Variants in POLR3A observed in about 807,000 individuals in gnomAD.
POLR3A encodes DNA-directed RNA polymerase III subunit RPC1.
Under a neutral mutation model 152.8 loss-of-function variants are expected in POLR3A, and 112 were observed. That is an observed-to-expected ratio of 0.73 (90% CI 0.63 to 0.86). POLR3A has a LOEUF of 0.86. Among genes scored for constraint, POLR3A ranks in the 40% least tolerant of loss-of-function variants. POLR3A has a pLI of 0.00. For missense variants in POLR3A, 1,385 were observed against 1,743.1 expected (o/e 0.79, Z 3.66); for synonymous variants, 615 against 652.1 (o/e 0.94, Z 0.87).
chr10:77,981,583 G>C, intron 28 of POLR3A, 24 bp from the exon 29 acceptor site: 1 of 1,613,812 alleles, frequency 6.2e-7, no homozygotes, highest in East Asian at 2.2e-5. Context: ...GTAATGAGCA[G>C]AAGCAGCCCC....
chr10:77,979,970 C>T (rs553104863), intron 30 of POLR3A, among the ~76,000 whole-genome samples, 171 bp downstream of exon 30: 10 of 152,320 alleles, frequency 6.6e-5, no homozygotes, highest in Admixed American at 5.9e-4. Flanking sequence ...ATGCTACAGT[C>T]AGGATTTGGA....
chr10:78,024,085 C>T (rs550677454), intron 5 of POLR3A, among the ~76,000 whole-genome samples: 22 of 152,108 alleles, frequency 1.4e-4, no homozygotes, highest in African/African-American at 5.1e-4. Flanking sequence ...GAGAGCTGGC[C>T]GGGTGTGGTG....
rs1391326132 is a variant in POLR3A, at chr10:78,026,170, T to G, written c.104A>C (p.Gln35Pro). ...GCTGTACAGGTTCTTACTCACAACT[T>G]GGATGTGCGCCTGCTGGCGCATCTC... ...PEEMRQQAHI[Q>P]VVSKNLYSQD... The change falls in exon 2 of 31, where the codon CAA (glutamine) becomes CCA (proline). Residue 35 changes from glutamine (Q) to proline (P), a missense_variant. Coordinates refer to ENST00000372371, the MANE Select transcript of POLR3A (RefSeq NM_007055.4). 2.5e-6 allele frequency: 4 copies of G among 1,614,072 alleles called. No individual in the cohort carries two copies. In the African/African-American group the frequency reaches 5.3e-5, roughly 22 times the overall value.
chr10:77,998,185 A>G (rs557589086), intron 19 of POLR3A, among the ~76,000 whole-genome samples: 1 of 152,350 alleles, frequency 6.6e-6, no homozygotes, highest in South Asian at 2.1e-4. Context: ...TGTTAGACCT[A>G]AAACCATAAA....
intron 21 of POLR3A, among the ~76,000 whole-genome samples, chr10:77,990,286 C>T (rs1161924629): frequency 6.6e-6 from 1 of 151,746 alleles, no homozygotes; most frequent in African/African-American, 2.4e-5. Flanking sequence ...ATAGAAAAGG[C>T]TGATTCAATG....
intron 8 of POLR3A, among the ~76,000 whole-genome samples, chr10:78,021,128 C>A (rs1448877883): frequency 6.6e-6 from 1 of 152,084 alleles, no homozygotes; most frequent in Non-Finnish European, 1.5e-5. Context: ...CCACTCCTGG[C>A]TAATTTTTTG....
chr10:77,984,094 C>G lies in POLR3A; in HGVS notation c.3337-82G>C, dbSNP rs895516150. 4.4e-5 allele frequency: 56 copies of G among 1,269,660 alleles called. No individual in the cohort carries two copies. In the Admixed American group the frequency reaches 9.7e-4, roughly 22 times the overall value. 78.6% of individuals were successfully genotyped at this position (1,269,660 alleles called of 1,614,324 possible). On this transcript the variant is annotated intron_variant, in intron 25 of 30. Coordinates refer to ENST00000372371, the MANE Select transcript of POLR3A (RefSeq NM_007055.4). ...CACGACTGCTTGCTTTTTTGAAGAG[C>G]TTGAGTAGTGTGGACGCCACAGGCT...
chr10:78,025,885 C>T (rs1002880654), intron 2 of POLR3A, 126 bp from the exon 3 acceptor site: 2 of 1,151,786 alleles, frequency 1.7e-6, no homozygotes, highest in Non-Finnish European at 2.6e-6. Context: ...TCTGAGATCA[C>T]TTCCTACTGT....
At chr10:78,013,183 G>A (rs962034114) in intron 11 of POLR3A, 1 of 243,816 alleles carries the variant, frequency 4.1e-6, no homozygotes, top group African/African-American at 2.3e-5. Context: ...CCTCTAAGAA[G>A]ACGAAGTATG....
In POLR3A at chr10:78,024,696, T is replaced by G. The variant is rs1216756291; in HGVS notation, c.498A>C (p.Val166=). The part of the protein sequence containing the change: ...CHHCGAFNGT[V]KKCGLLKIIH... Reference sequence around the variant, plus strand: ...TTATTTTCAGCAGTCCACACTTCTTTACGGTACCTATAAGGGTTAGTTTAT... The same window carrying G: ...TTATTTTCAGCAGTCCACACTTCTTGACGGTACCTATAAGGGTTAGTTTAT... The change falls in exon 5 of 31, where the codon GTA becomes GTC. Residue 166 remains valine (V), a synonymous_variant. Transcript: ENST00000372371. 6.2e-7 allele frequency: 1 copy of G among 1,612,984 alleles called. No individual in the cohort carries two copies. Among genetic ancestry groups the G allele is most frequent in the Non-Finnish European group, 8.5e-7 (1 of 1,179,076 alleles).
intron 10 of POLR3A, among the ~76,000 whole-genome samples, chr10:78,015,885 C>T (rs1356330626): frequency 2.6e-5 from 4 of 152,132 alleles, no homozygotes; most frequent in Non-Finnish European, 5.9e-5. Flanking sequence ...AAAGAGAAGG[C>T]TTTAGTTAAC....
intron 30 of POLR3A, among the ~76,000 whole-genome samples, chr10:77,978,835 AT>A (rs977010698): frequency 1.5e-4 from 21 of 143,072 alleles, no homozygotes; most frequent in Non-Finnish European, 3.0e-4. Flanking sequence ...TAATTTTTAT[AT>A]TTTTTTTAGT....
rs1482990030 is a variant in POLR3A at position 77,976,193 on chromosome 10, G to T, written c.*1285C>A. The stretch of plus-strand genomic sequence containing the variant: ...TGCCCAGGCTGGAGTGTAGTGGCAC[G>T]ATCTTGGCTCACTACAACCTCCACC... On this transcript the variant is annotated 3_prime_UTR_variant, in exon 31 of 31. Coordinates refer to ENST00000372371, the MANE Select transcript of POLR3A (RefSeq NM_007055.4). The T allele has an allele frequency of 4.0e-5, 6 of 150,574 alleles. No individual in the cohort carries two copies. Among genetic ancestry groups the T allele is most frequent in the Non-Finnish European group, 7.4e-5 (5 of 67,754 alleles). 9.3% of individuals were successfully genotyped at this position (150,574 alleles called of 1,614,324 possible).
chr10:77,990,019 C>T (rs1192050827), intron 21 of POLR3A, among the ~76,000 whole-genome samples: 2 of 152,166 alleles, frequency 1.3e-5, no homozygotes, highest in Non-Finnish European at 2.9e-5. Flanking sequence ...ATTTAAGCTT[C>T]ACTCGCTGTT....
Position 78,017,568 on chromosome 10 carries a change from T to C in POLR3A, c.1431+7A>G. 6.2e-7 allele frequency: 1 copy of C among 1,614,068 alleles called. No homozygotes were observed. Among genetic ancestry groups the C allele is most frequent in the African/African-American group, 1.3e-5 (1 of 75,056 alleles). ...TGATGGAAAATTTAAAAAGCAGTGC[T>C]ACTCACCAGATGAGCCATAATGCTC... is the stretch of plus-strand genomic sequence containing the variant. On this transcript the variant is annotated splice_region_variant and intron_variant, in intron 10 of 30. Transcript: ENST00000372371.
intron 29 of POLR3A, among the ~76,000 whole-genome samples, chr10:77,980,659 C>A (rs561091960): frequency 1.1e-3 from 164 of 152,160 alleles, no homozygotes; most frequent in African/African-American, 3.8e-3. Context: ...GAATATTGTG[C>A]CATAATTTAA....
rs2131921323 is a variant in POLR3A, at chr10:77,975,380, G to A, written c.*2098C>T. 1 of 152,364 alleles carries A rather than the reference G, an allele frequency of 6.6e-6. No individual in the cohort carries two copies. The highest frequency in any genetic ancestry group is 2.1e-4 in the South Asian group (1 of 4,832). The allele number at this position is 152,364 out of a possible 1,614,324, so 9.4% of individuals were successfully genotyped here. On this transcript the variant is annotated 3_prime_UTR_variant, in exon 31 of 31. Transcript: ENST00000372371. ...GTAGGGTTTACCAGGCAATGCTGTTGATGTTGATAGTCCTAGCAAGGCTGG... is the reference window on the plus strand; with the variant it reads ...GTAGGGTTTACCAGGCAATGCTGTTAATGTTGATAGTCCTAGCAAGGCTGG...
intron 4 of POLR3A, 44 bp from the exon 5 acceptor site, chr10:78,024,747 C>A: frequency 1.3e-6 from 2 of 1,552,670 alleles, no homozygotes; most frequent in Non-Finnish European, 1.8e-6. Flanking sequence ...AAATTATGTT[C>A]TCAGATTGGC....
Position 78,024,499 on chromosome 10 carries a change from A to AGAGGCAGGCGGGAGGCAGGCGG in POLR3A, c.645+28_645+49dup, listed in dbSNP as rs752700897. ...AGAGAGTGTGCATGTGACGTGCGGA[A>AGAGGCAGGCGGGAGGCAGGCGG]GAGGCAGGCGGGAGGCAGGCGGAAG... On this transcript the variant is annotated intron_variant, in intron 5 of 30. Transcript: ENST00000372371. The AGAGGCAGGCGGGAGGCAGGCGG allele has an allele frequency of 3.1e-6, 5 of 1,601,102 alleles. No homozygotes were observed. In the South Asian group the frequency reaches 4.4e-5, roughly 14 times the overall value.
Sources: gnomAD v4.1 joint callset for allele counts (sites outside exome capture counted in the v4.1 genomes callset) on GRCh38, gnomAD v4.1.1 for gene constraint, MANE v1.5 for transcripts, NCBI Gene and HGNC (gene_info 2026-07-23, HGNC 2026-07-21) for gene names.